The following TCF20 variants were observed in gnomAD, a reference collection of about 807,000 sequenced individuals.
TCF20 encodes the protein transcription factor 20, also known as SPRE-binding protein.
In TCF20, 3 loss-of-function variants were observed where a neutral mutation model predicts 148.6. The ratio of observed to expected loss-of-function variants is 0.02; its 90% CI spans 0.01 to 0.05. The LOEUF (loss-of-function observed/expected upper bound fraction) is 0.05. Among genes scored for constraint, TCF20 ranks in the 10% least tolerant of loss-of-function variants. TCF20 has a pLI of 1.00. For missense variants in TCF20, 2,350 were observed against 2,429.3 expected, an observed-to-expected ratio of 0.97 and a Z score of 0.69; for synonymous variants, 1,049 against 909.5, an observed-to-expected ratio of 1.15 and a Z score of -2.76.
chr22:42,212,394 G>C lies in TCF20; in HGVS notation c.2912C>G (p.Thr971Ser), dbSNP rs767703944. The change falls in exon 2 of 6, where the codon ACC (threonine) becomes AGC (serine). Residue 971 changes from threonine to serine, a missense_variant. Around this residue, in one of 7 missense-constraint regions of TCF20, gnomAD observed 1,641 missense variants for 1,662.6 expected, o/e 0.99. Coordinates refer to ENST00000677622, the MANE Select transcript of TCF20 (RefSeq NM_001378418.1). ...YRGNASPGAATHDSLSDYGPQ... is the reference protein window; with the variant it reads ...YRGNASPGAASHDSLSDYGPQ... The stretch of plus-strand genomic sequence containing the variant: ...GCCATAGTCTGAAAGGGAATCATGG[G>C]TTGCTGCTCCAGGGCTGGCATTGCC... The C allele has an allele frequency of 6.2e-7, 1 of 1,614,252 alleles. No individual in the cohort carries two copies. Among genetic ancestry groups the C allele is most frequent in the South Asian group, 1.1e-5 (1 of 91,088 alleles).
chr22:42,235,766 C>T (rs1421983253), intron 1 of TCF20, among the ~76,000 whole-genome samples: 4 of 152,178 alleles, frequency 2.6e-5, no homozygotes, highest in African/African-American at 9.6e-5. Context: ...GTGGAGTTAA[C>T]CTACCTTGCC....
At chr22:42,337,778 T>C (rs1026163914) in intron 1 of TCF20, among the ~76,000 whole-genome samples, 1 of 152,246 alleles carries the variant, frequency 6.6e-6, no homozygotes, top group African/African-American at 2.4e-5. Context: ...CACCTATCCA[T>C]CCACATCTGG....
intron 2 of TCF20, among the ~76,000 whole-genome samples, chr22:42,184,230 G>A (rs1271799067): frequency 1.3e-5 from 2 of 152,072 alleles, no homozygotes; most frequent in Non-Finnish European, 2.9e-5. Context: ...AAAGCAAAGT[G>A]ACCTGCTAAA....
intron 2 of TCF20, among the ~76,000 whole-genome samples, chr22:42,195,619 C>T (rs1384372493): frequency 6.6e-6 from 1 of 151,960 alleles, no homozygotes. Context: ...CCCGCCTCAG[C>T]CTCCCCAGCA....
intron 5 of TCF20, among the ~76,000 whole-genome samples, chr22:42,161,835 G>A (rs1002100068): frequency 7.9e-5 from 12 of 152,158 alleles, no homozygotes; most frequent in African/African-American, 2.9e-4. Flanking sequence ...CTAGTTGTTT[G>A]TTTTTGAGAC....
chr22:42,174,435 G>C (rs548580047), intron 3 of TCF20, among the ~76,000 whole-genome samples: 1 of 152,156 alleles, frequency 6.6e-6, no homozygotes, highest in Non-Finnish European at 1.5e-5. Flanking sequence ...AAGTGTGCTC[G>C]GGTGGGATGT....
At chr22:42,199,706 C>CA (rs59845847) in intron 2 of TCF20, among the ~76,000 whole-genome samples, 8,484 of 33,828 alleles carry the variant, frequency 0.25, 2,145 homozygotes, top group Non-Finnish European at 0.33. Context: ...CCCATCTCTA[C>CA]AAAAAAAAAA....
intron 1 of TCF20, among the ~76,000 whole-genome samples, chr22:42,336,342 C>T (rs749810513): frequency 2.0e-4 from 31 of 152,088 alleles, no homozygotes; most frequent in Admixed American, 3.3e-4. Flanking sequence ...CCTCGGCTCC[C>T]GCCCCCTCTC....
chr22:42,242,586 T>C (rs1002761841), intron 1 of TCF20, among the ~76,000 whole-genome samples: 2 of 152,056 alleles, frequency 1.3e-5, no homozygotes, highest in Non-Finnish European at 2.9e-5. Flanking sequence ...TATTTTCAAC[T>C]GTGAAGATCT....
At chr22:42,166,411 C>T (rs1935790287) in intron 5 of TCF20, among the ~76,000 whole-genome samples, 1 of 152,162 alleles carries the variant, frequency 6.6e-6, no homozygotes, top group Non-Finnish European at 1.5e-5. Context: ...AGTTCAAGGC[C>T]AGCCTGGGCA....
chr22:42,256,562 T>C (rs1925756668), intron 1 of TCF20, among the ~76,000 whole-genome samples: 1 of 152,068 alleles, frequency 6.6e-6, no homozygotes, highest in Admixed American at 6.6e-5. Flanking sequence ...CTGAATATGC[T>C]AGAACTTAAA....
chr22:42,202,741 CG>C (rs1282967875), intron 2 of TCF20, among the ~76,000 whole-genome samples: 1 of 152,170 alleles, frequency 6.6e-6, no homozygotes, highest in Non-Finnish European at 1.5e-5. Context: ...TGAAGCAAGC[CG>C]TATCTTTTGG....
At chr22:42,197,294 T>G (rs1937640499) in intron 2 of TCF20, among the ~76,000 whole-genome samples, 1 of 151,978 alleles carries the variant, frequency 6.6e-6, no homozygotes, top group Non-Finnish European at 1.5e-5. Context: ...TACAGTCCTC[T>G]ATCATCATCT....
rs572779003 is a variant in TCF20 at position 42,321,663 on chromosome 22, C to T, written c.-37+21816G>A. 4.6e-5 allele frequency among the ~76,000 whole-genome samples: 7 copies of T among 151,794 alleles called. No homozygotes were observed. The East Asian group carries it at 9.6e-4, about 21-fold the overall frequency. The stretch of plus-strand genomic sequence containing the variant: ...GCTTCTTCATGTAAAACAGGGGGAC[C>T]AGGCTGGGCGCGGTGACTCACACCT... On this transcript the variant is annotated intron_variant, in intron 1 of 1. Transcript: ENST00000515426.
chr22:42,310,466 A>ACAATAACAG (rs1569206542), intron 1 of TCF20, among the ~76,000 whole-genome samples: 3 of 151,484 alleles, frequency 2.0e-5, no homozygotes, highest in Non-Finnish European at 2.9e-5. Context: ...TGGTGCTAAG[A>ACAATAACAG]GACTGTCGAC....
intron 1 of TCF20, among the ~76,000 whole-genome samples, chr22:42,267,698 T>C (rs553888354): frequency 5.4e-4 from 81 of 149,950 alleles, no homozygotes; most frequent in African/African-American, 1.8e-3. Flanking sequence ...AGACTCTGTC[T>C]CAAAAAAACA....
chr22:42,309,604 C>A (rs1260042172), intron 1 of TCF20, among the ~76,000 whole-genome samples: 1 of 152,062 alleles, frequency 6.6e-6, no homozygotes, highest in African/African-American at 2.4e-5. Flanking sequence ...CAACCGTGCC[C>A]GTGGCCCTCC....
Position 42,209,640 on chromosome 22 carries a change from C to T in TCF20, c.5655+11G>A. The stretch of plus-strand genomic sequence containing the variant: ...AAAATCCCAAGCTGGTAAGAGATTT[C>T]TCATACTCACCATCTCTCTGGCTAT... On this transcript the variant is annotated intron_variant, in intron 2 of 5. Coordinates refer to ENST00000677622, the MANE Select transcript of TCF20 (RefSeq NM_001378418.1). 1 of 1,575,020 alleles carries T rather than the reference C, an allele frequency of 6.3e-7. No individual in the cohort carries two copies. The highest frequency in any genetic ancestry group is 1.2e-5 in the South Asian group (1 of 85,582).
Position 42,250,917 on chromosome 22 carries a change from A to G in TCF20, c.-37+19422T>C, listed in dbSNP as rs1157500285. On this transcript the variant is annotated intron_variant, in intron 1 of 5. Transcript: ENST00000677622. Reference sequence around the variant, plus strand: ...CATCACATGATGAGGACTGAGCAAGAGAGAGTGTGAGGTGCCACACTTTTA... The same window carrying G: ...CATCACATGATGAGGACTGAGCAAGGGAGAGTGTGAGGTGCCACACTTTTA... Among the ~76,000 whole-genome samples the G allele has an allele frequency of 2.6e-5, 4 of 152,206 alleles. No homozygotes were observed. In the East Asian group the frequency reaches 5.8e-4, roughly 22 times the overall value.
Sources: gnomAD v4.1 joint callset for allele counts (sites outside exome capture counted in the v4.1 genomes callset) on GRCh38, gnomAD v4.1.1 for gene constraint, gnomAD v4.1.1 regional missense constraint, MANE v1.5 for transcripts, NCBI Gene and HGNC (gene_info 2026-07-23, HGNC 2026-07-21) for gene names.